The following CREB5 variants were observed in gnomAD, a reference collection of about 807,000 sequenced individuals.
CREB5 encodes cyclic AMP-responsive element-binding protein 5.
Under a neutral mutation model 57.1 loss-of-function variants are expected in CREB5, and 19 were observed. The ratio of observed to expected loss-of-function variants is 0.33; its 90% CI spans 0.23 to 0.49. The LOEUF (loss-of-function observed/expected upper bound fraction) is 0.49, where lower values mean the gene tolerates loss of function less well. CREB5 is among the 20% of genes least tolerant of loss of function. CREB5 has a pLI of 0.99. For synonymous variants in CREB5, 238 were observed against 238.3 expected (o/e 1.00, Z 0.01); for missense variants, 579 against 671.6 (o/e 0.86, Z 1.52).
At chr7:28,502,265 G>A (rs1311662239) in intron 3 of CREB5, among the ~76,000 whole-genome samples, 3 of 152,052 alleles carry the variant, frequency 2.0e-5, no homozygotes, top group Non-Finnish European at 4.4e-5. Context: ...ATGATTATGT[G>A]TATTAAAATT....
intron 1 of CREB5, among the ~76,000 whole-genome samples, chr7:28,347,229 G>C (rs896427921): frequency 7.2e-5 from 11 of 152,148 alleles, no homozygotes; most frequent in African/African-American, 2.7e-4. Context: ...CCCTTAGACT[G>C]ATATTAATGT....
chr7:28,374,089 A>C (rs140918050), intron 1 of CREB5, among the ~76,000 whole-genome samples: 1 of 152,296 alleles, frequency 6.6e-6, no homozygotes, highest in East Asian at 1.9e-4. Context: ...TAAAGAAGAC[A>C]TACAGATGGC....
At chr7:28,393,815 C>T (rs2127998297) in intron 1 of CREB5, among the ~76,000 whole-genome samples, 1 of 152,150 alleles carries the variant, frequency 6.6e-6, no homozygotes, top group East Asian at 1.9e-4. Context: ...TGGCTCACGC[C>T]TGTAATCCCA....
rs1474223794 is a variant in CREB5, at chr7:28,659,875, TG to T, written c.465-58876del. Among the ~76,000 whole-genome samples, 4 of 152,210 alleles carry T rather than the reference TG, an allele frequency of 2.6e-5. No individual in the cohort carries two copies. In the East Asian group the frequency reaches 7.7e-4, roughly 29 times the overall value. ...CTATAACAGCACTGGGAAATGACAG[TG>T]GTATCATTATTGGATCAGACATTTT... On this transcript the variant is annotated intron_variant, in intron 5 of 10. Coordinates refer to ENST00000357727, the MANE Select transcript of CREB5 (RefSeq NM_182898.4).
At chr7:28,685,983 A>G (rs1800876451) in intron 5 of CREB5, 4 of 633,958 alleles carry the variant, frequency 6.3e-6, no homozygotes, top group Non-Finnish European at 1.1e-5. Flanking sequence ...CAGGAGAAAG[A>G]GAGCAAGTGA....
intron 1 of CREB5, among the ~76,000 whole-genome samples, chr7:28,485,893 C>T (rs1791524463): frequency 6.6e-6 from 1 of 152,102 alleles, no homozygotes. Context: ...AAGAGAGATG[C>T]TCTACAATCA....
chr7:28,777,377 C>A (rs1175960144), intron 7 of CREB5, among the ~76,000 whole-genome samples: 1 of 152,136 alleles, frequency 6.6e-6, no homozygotes, highest in East Asian at 1.9e-4. Context: ...AGCCTCAATT[C>A]GATATGGCTT....
chr7:28,586,570 G>T (rs1486756014), intron 5 of CREB5, among the ~76,000 whole-genome samples: 2 of 152,114 alleles, frequency 1.3e-5, no homozygotes, highest in Admixed American at 1.3e-4. Context: ...AAAGAGTAGA[G>T]AATTATAAGG....
intron 1 of CREB5, among the ~76,000 whole-genome samples, chr7:28,379,269 G>T (rs1359882599): frequency 6.6e-6 from 1 of 152,182 alleles, no homozygotes; most frequent in Non-Finnish European, 1.5e-5. Context: ...GATAACAGGG[G>T]CCTGGATACA....
chr7:28,746,734 A>C (rs1283753894), intron 7 of CREB5, among the ~76,000 whole-genome samples: 1 of 152,168 alleles, frequency 6.6e-6, no homozygotes, highest in African/African-American at 2.4e-5. Flanking sequence ...AATGAAGCTT[A>C]ATTGATTAGC....
chr7:28,599,625 G>A (rs752218167), intron 5 of CREB5, among the ~76,000 whole-genome samples: 3 of 152,204 alleles, frequency 2.0e-5, no homozygotes, highest in East Asian at 1.9e-4. Context: ...ATAAAGACAC[G>A]CATAGCTCTG....
At chr7:28,604,318 G>C (rs1387037184) in intron 5 of CREB5, among the ~76,000 whole-genome samples, 1 of 152,070 alleles carries the variant, frequency 6.6e-6, no homozygotes. Flanking sequence ...TATGCTTATG[G>C]TGAGATTTGG....
At chr7:28,607,010 C>T (rs1362583859) in intron 5 of CREB5, among the ~76,000 whole-genome samples, 1 of 152,050 alleles carries the variant, frequency 6.6e-6, no homozygotes, top group Non-Finnish European at 1.5e-5. Context: ...TTATTGCTAA[C>T]TCTCATCATC....
At chr7:28,656,887 C>T (rs537378007) in intron 5 of CREB5, among the ~76,000 whole-genome samples, 1 of 152,090 alleles carries the variant, frequency 6.6e-6, no homozygotes, top group South Asian at 2.1e-4. Flanking sequence ...AGTTGTGACC[C>T]ACTAGGAAGG....
intron 3 of CREB5, among the ~76,000 whole-genome samples, chr7:28,499,784 T>G (rs1407731614): frequency 1.3e-5 from 2 of 152,180 alleles, no homozygotes; most frequent in African/African-American, 4.8e-5. Context: ...GGTTTCTTGA[T>G]GTATGTCAGG....
chr7:28,569,236 C>T (rs1008152673), intron 4 of CREB5, among the ~76,000 whole-genome samples: 3 of 151,550 alleles, frequency 2.0e-5, no homozygotes, highest in African/African-American at 2.4e-5. Flanking sequence ...GTAATCCTGG[C>T]TTACTGCAGC....
intron 5 of CREB5, among the ~76,000 whole-genome samples, chr7:28,677,502 C>T (rs1583528524): frequency 6.6e-6 from 1 of 152,174 alleles, no homozygotes; most frequent in South Asian, 2.1e-4. Flanking sequence ...TTCATGTCTT[C>T]GTGCCTGCTT....
In CREB5 at chr7:28,655,633, A is replaced by C. The variant is rs1003724764; in HGVS notation, c.465-63120A>C. On this transcript the variant is annotated intron_variant, in intron 5 of 10. Coordinates refer to ENST00000357727, the MANE Select transcript of CREB5 (RefSeq NM_182898.4). ...TTCAAAAACACAAATTAATTAAGTA[A>C]TTAATTTAATAAGATTAAAAGGGTT... Among the ~76,000 whole-genome samples the C allele has an allele frequency of 7.2e-5, 11 of 152,190 alleles. 1 individual carries two copies. Among genetic ancestry groups the C allele is most frequent in the African/African-American group, 1.4e-4 (6 of 41,436 alleles).
At chr7:28,405,422 C>A (rs1047225086) in intron 1 of CREB5, among the ~76,000 whole-genome samples, 1 of 152,008 alleles carries the variant, frequency 6.6e-6, no homozygotes, top group Admixed American at 6.6e-5. Context: ...GTCTCTTTTC[C>A]TTTTTTTGAA....
Sources: allele counts gnomAD v4.1 joint callset (sites outside exome capture counted in the v4.1 genomes callset), GRCh38; gene constraint gnomAD v4.1.1; transcripts MANE v1.5; gene names NCBI Gene and HGNC (gene_info 2026-07-23, HGNC 2026-07-21).